RGS12: variants seen among roughly 807,000 people sequenced by gnomAD.
RGS12 encodes the protein regulator of G-protein signaling 12.
In RGS12, 66 loss-of-function variants were observed where a neutral mutation model predicts 120.1. The ratio of observed to expected loss-of-function variants is 0.55; its 90% CI spans 0.45 to 0.67. The LOEUF is 0.67. RGS12 is among the 30% of genes least tolerant of loss of function. The pLI is 0.00. For missense variants in RGS12, 1,859 were observed against 1,957.7 expected, an observed-to-expected ratio of 0.95 and a Z score of 0.95; for synonymous variants, 827 against 804.7, an observed-to-expected ratio of 1.03 and a Z score of -0.47.
At chr4:3,306,000 G>A (rs1723950562) in intron 1 of RGS12, among the ~76,000 whole-genome samples, 1 of 152,196 alleles carries the variant, frequency 6.6e-6, no homozygotes, top group South Asian at 2.1e-4. Flanking sequence ...GGGCCTCCTG[G>A]GAGTCTCACT....
intron 3 of RGS12, chr4:3,343,306 G>A (rs530949492): frequency 2.4e-6 from 1 of 414,538 alleles, no homozygotes; most frequent in Non-Finnish European, 4.4e-6. Context: ...AACACTTCTA[G>A]AAATGAGCTG....
chr4:3,305,968 G>T (rs1723948943), intron 1 of RGS12, among the ~76,000 whole-genome samples: 1 of 152,208 alleles, frequency 6.6e-6, no homozygotes, highest in Non-Finnish European at 1.5e-5. Flanking sequence ...GTTCAAGCTG[G>T]CAGTGATAGT....
intron 2 of RGS12, among the ~76,000 whole-genome samples, chr4:3,320,502 A>G (rs1306660529): frequency 6.6e-6 from 1 of 152,268 alleles, no homozygotes; most frequent in Non-Finnish European, 1.5e-5. Flanking sequence ...TTTGGCTGTC[A>G]GGTGACTTGC....
intron 1 of RGS12, among the ~76,000 whole-genome samples, chr4:3,296,057 C>T (rs1194168744): frequency 6.7e-6 from 1 of 148,916 alleles, no homozygotes; most frequent in East Asian, 1.9e-4. Context: ...AGCCGTTCAC[C>T]CCCCTGGTCA....
At chr4:3,310,175 A>G (rs74203580) in intron 1 of RGS12, among the ~76,000 whole-genome samples, 16 of 124,926 alleles carry the variant, frequency 1.3e-4, no homozygotes, top group Admixed American at 2.6e-4. Context: ...AACTGTGTTG[A>G]GGAGGAGCTG....
chr4:3,328,510 A>G (rs1030367389), intron 2 of RGS12, among the ~76,000 whole-genome samples: 10 of 152,218 alleles, frequency 6.6e-5, no homozygotes, highest in Admixed American at 6.5e-5. Context: ...CCCCGCCAGC[A>G]CGTAGGCCCT....
intron 4 of RGS12, among the ~76,000 whole-genome samples, chr4:3,403,991 C>T (rs1720861357): frequency 6.6e-6 from 1 of 152,204 alleles, no homozygotes; most frequent in Admixed American, 6.5e-5. Context: ...TGGGCTGTGG[C>T]AGCCCTCCCT....
chr4:3,318,671 T>C (rs1262247568), intron 2 of RGS12, among the ~76,000 whole-genome samples: 1 of 152,214 alleles, frequency 6.6e-6, no homozygotes, highest in Non-Finnish European at 1.5e-5. Flanking sequence ...GGCCCTGCCT[T>C]TAGGAGCTAA....
intron 3 of RGS12, chr4:3,369,930 C>CT: frequency 1.1e-6 from 1 of 878,408 alleles, no homozygotes; most frequent in Non-Finnish European, 1.4e-6. Context: ...CACCACGATG[C>CT]TAAAAAAAAC....
intron 1 of RGS12, among the ~76,000 whole-genome samples, chr4:3,303,844 T>C (rs1053156023): frequency 1.3e-5 from 2 of 152,256 alleles, no homozygotes; most frequent in African/African-American, 4.8e-5. Flanking sequence ...AGTATATACC[T>C]TTTTCTCAAG....
intron 4 of RGS12, chr4:3,412,959 C>T (rs1261828903): frequency 6.6e-6 from 1 of 152,224 alleles, no homozygotes; most frequent in South Asian, 2.1e-4. Flanking sequence ...CAGGGGCGCC[C>T]CCACACTGCT....
intron 3 of RGS12, among the ~76,000 whole-genome samples, chr4:3,381,162 C>G (rs994504913): frequency 7.0e-6 from 1 of 142,460 alleles, no homozygotes; most frequent in Admixed American, 6.8e-5. Flanking sequence ...GACCATTACT[C>G]TACTTCCCAA....
chr4:3,429,161 C>G (rs1184655358), intron 16 of RGS12, among the ~76,000 whole-genome samples: 2 of 152,214 alleles, frequency 1.3e-5, no homozygotes, highest in Non-Finnish European at 2.9e-5. Flanking sequence ...GCTTGCTGAG[C>G]TCTCTTGGCT....
In RGS12 at chr4:3,417,100, C is replaced by T; in HGVS notation, c.2607+8C>T. 6.3e-7 allele frequency: 1 copy of T among 1,589,398 alleles called. No individual in the cohort carries two copies. Among genetic ancestry groups the T allele is most frequent in the South Asian group, 1.1e-5 (1 of 89,626 alleles). The stretch of plus-strand genomic sequence containing the variant: ...GTGTCCACGCCAAAAAAGGTGACCT[C>T]CCCGAGGCTGGCCTCACGCCCCTGT... On this transcript the variant is annotated splice_region_variant and intron_variant, in intron 8 of 17. Transcript: ENST00000336727.
the RGS12 span, among the ~76,000 whole-genome samples, chr4:3,287,557 A>C: frequency 6.6e-6 from 1 of 152,224 alleles, no homozygotes; most frequent in Admixed American, 6.5e-5. Flanking sequence ...GGACCTCCCC[A>C]GCCCCTGGCC....
chr4:3,423,233 C>T (rs1723229894), intron 12 of RGS12, among the ~76,000 whole-genome samples: 2 of 152,184 alleles, frequency 1.3e-5, no homozygotes, highest in Admixed American at 1.3e-4. Flanking sequence ...CCCTAAGATG[C>T]CGAGAGGGAG....
At position 3,368,867 on chromosome 4, in the gene RGS12, G is replaced by A. The variant is rs1302244037; in HGVS notation, c.1999-17549G>A. ...AATGGTGATGTGGTCTGGTCTATACGTGCTCCGCCTTCTGTCATACTGCCT... is the reference window on the plus strand; with the variant it reads ...AATGGTGATGTGGTCTGGTCTATACATGCTCCGCCTTCTGTCATACTGCCT... On this transcript the variant is annotated intron_variant, in intron 3 of 17. Coordinates refer to ENST00000336727, the MANE Select transcript of RGS12 (RefSeq NM_001394154.1). Among the ~76,000 whole-genome samples, 3 of 152,024 alleles carry A rather than the reference G, an allele frequency of 2.0e-5. No individual in the cohort carries two copies. The East Asian group carries it at 5.8e-4, about 29-fold the overall frequency.
At chr4:3,432,634 G>A (rs1012398094) in intron 17 of RGS12, among the ~76,000 whole-genome samples, 1 of 152,252 alleles carries the variant, frequency 6.6e-6, no homozygotes, top group African/African-American at 2.4e-5. Flanking sequence ...CGCCCCGGCT[G>A]ACATCCCTGA....
chr4:3,310,299 G>A (rs1044691319), intron 1 of RGS12, among the ~76,000 whole-genome samples: 1 of 146,632 alleles, frequency 6.8e-6, no homozygotes, highest in South Asian at 2.1e-4. Context: ...GCTGGGACCC[G>A]GGAAATGGCA....
Sources: gnomAD v4.1 joint callset for allele counts (sites outside exome capture counted in the v4.1 genomes callset) on GRCh38, gnomAD v4.1.1 for gene constraint, MANE v1.5 for transcripts, NCBI Gene and HGNC (gene_info 2026-07-23, HGNC 2026-07-21) for gene names.